Variants in TENM4 observed in about 807,000 individuals in gnomAD.
The protein encoded by TENM4 is teneurin transmembrane protein 4.
TENM4 carries 82 observed loss-of-function variants against 243.3 expected under a neutral mutation model. The ratio of observed to expected loss-of-function variants is 0.34; its 90% CI spans 0.28 to 0.40. The LOEUF is 0.40. TENM4 is among the 10% of genes least tolerant of loss of function. The pLI, the probability that TENM4 is intolerant of heterozygous loss-of-function variation, is 1.00. For synonymous variants in TENM4, 1,412 were observed against 1,456.3 expected (o/e 0.97, Z 0.69); for missense variants, 3,138 against 3,673.3 (o/e 0.85, Z 3.77).
Position 79,087,568 on chromosome 11 carries a change from C to T in TENM4, c.-65-17559G>A, listed in dbSNP as rs116851576. On this transcript the variant is annotated intron_variant, in intron 4 of 33. Coordinates refer to ENST00000278550, the MANE Select transcript of TENM4 (RefSeq NM_001098816.3). ...CCAAATCAAACAAAAAACCATCTAA[C>T]AAACACAGAAGCGCTGAAAAGATCT... 3.2e-3 allele frequency among the ~76,000 whole-genome samples: 495 copies of T among 152,330 alleles called. 12 individuals are homozygous for T. In the South Asian group the frequency reaches 0.05, roughly 15 times the overall value.
At chr11:79,270,762 C>A (rs992157827) in intron 2 of TENM4, among the ~76,000 whole-genome samples, 1 of 152,222 alleles carries the variant, frequency 6.6e-6, no homozygotes, top group Admixed American at 6.5e-5. Context: ...TGACTCCTCC[C>A]AGCCTCAGGC....
chr11:79,313,761 C>T (rs549651091), intron 1 of TENM4, among the ~76,000 whole-genome samples: 2 of 152,184 alleles, frequency 1.3e-5, no homozygotes, highest in East Asian at 3.9e-4. Context: ...TTCTGTTTCC[C>T]TCCGCAAGCA....
chr11:79,314,878 C>T (rs887457250), intron 1 of TENM4, among the ~76,000 whole-genome samples: 1 of 152,200 alleles, frequency 6.6e-6, no homozygotes. Flanking sequence ...TTTAACTGGT[C>T]TGTGTGAGGC....
intron 7 of TENM4, among the ~76,000 whole-genome samples, chr11:78,899,631 C>T (rs528705939): frequency 2.5e-4 from 36 of 146,476 alleles, no homozygotes; most frequent in Admixed American, 1.9e-3. Flanking sequence ...TAATGGGAGG[C>T]GTTTCGGTCA....
At chr11:79,246,947 A>G (rs1855526704) in intron 2 of TENM4, among the ~76,000 whole-genome samples, 5 of 148,820 alleles carry the variant, frequency 3.4e-5, no homozygotes, top group Admixed American at 3.4e-4. Context: ...CAGTACATGT[A>G]TGTGTTGTGC....
At chr11:78,704,157 G>GTGTATATATATATATATATA (rs1201390547) in intron 27 of TENM4, among the ~76,000 whole-genome samples, 10 of 70,534 alleles carry the variant, frequency 1.4e-4, no homozygotes, top group African/African-American at 4.8e-4. Context: ...ATGTATGTGT[G>GTGTATATATATATATATATA]TCTATATATA....
intron 19 of TENM4, among the ~76,000 whole-genome samples, chr11:78,750,849 T>TTGTGTG (rs72172542): frequency 0.018 from 2,591 of 145,750 alleles, 71 homozygotes; most frequent in African/African-American, 0.057. Flanking sequence ...CAAATGAGGC[T>TTGTGTG]TGTGTGTGTG....
At chr11:79,304,182 G>C (rs1266398368) in intron 1 of TENM4, among the ~76,000 whole-genome samples, 1 of 152,200 alleles carries the variant, frequency 6.6e-6, no homozygotes, top group Admixed American at 6.5e-5. Context: ...AAAGGTCCCA[G>C]TAACTTGGCA....
At chr11:79,019,600 T>C (rs1309670325) in intron 6 of TENM4, among the ~76,000 whole-genome samples, 2 of 152,226 alleles carry the variant, frequency 1.3e-5, no homozygotes, top group Non-Finnish European at 2.9e-5. Context: ...TTTTCCCACA[T>C]TCTAATTTAT....
intron 12 of TENM4, among the ~76,000 whole-genome samples, chr11:78,853,788 A>G (rs1858603945): frequency 6.6e-6 from 1 of 152,240 alleles, no homozygotes; most frequent in Non-Finnish European, 1.5e-5. Context: ...GAGAAGTGCC[A>G]AGAAGAGAGA....
At chr11:79,135,028 A>C (rs1298320154) in intron 4 of TENM4, among the ~76,000 whole-genome samples, 2 of 152,192 alleles carry the variant, frequency 1.3e-5, no homozygotes, top group Non-Finnish European at 2.9e-5. Context: ...TTTGCACAGC[A>C]AAAGGAACAG....
Position 78,688,030 on chromosome 11 carries a change from T to A in TENM4, c.5260+24A>T, listed in dbSNP as rs187662752. 9 of 1,610,484 alleles carry A rather than the reference T, an allele frequency of 5.6e-6. No homozygotes were observed. In the East Asian group the frequency reaches 2.0e-4, roughly 36 times the overall value. On this transcript the variant is annotated intron_variant, in intron 29 of 33. Coordinates refer to ENST00000278550, the MANE Select transcript of TENM4 (RefSeq NM_001098816.3). ...GTCTTCCCACCCCTCTGCCTCAAAG[T>A]CCCCTGGCCCCCACCTGACTTACCT...
rs183827268 is a variant in TENM4 at position 78,951,558 on chromosome 11, C to T, written c.494-48035G>A. On this transcript the variant is annotated intron_variant, in intron 6 of 33. Transcript: ENST00000278550. ...ATTTATTTTCCCATAGTTCTGAAGG[C>T]TGGGAAGTCCAAGATCAAGGTTCTG... is the stretch of plus-strand genomic sequence containing the variant. Among the ~76,000 whole-genome samples the T allele has an allele frequency of 2.5e-3, 387 of 152,286 alleles. 1 individual carries two copies. Among genetic ancestry groups the T allele is most frequent in the Non-Finnish European group, 4.0e-3 (269 of 68,030 alleles).
intron 19 of TENM4, among the ~76,000 whole-genome samples, chr11:78,746,353 C>T (rs890004007): frequency 2.0e-4 from 30 of 152,234 alleles, no homozygotes; most frequent in African/African-American, 6.5e-4. Flanking sequence ...CTGTGCTTCC[C>T]GCAGAGCCCA....
intron 12 of TENM4, among the ~76,000 whole-genome samples, chr11:78,831,359 C>T (rs1360778196): frequency 6.6e-6 from 1 of 152,232 alleles, no homozygotes; most frequent in Non-Finnish European, 1.5e-5. Flanking sequence ...CTCCCAGCTC[C>T]TGGCCGGGTG....
chr11:78,984,631 C>T (rs957489815), intron 6 of TENM4, among the ~76,000 whole-genome samples: 4 of 152,070 alleles, frequency 2.6e-5, no homozygotes, highest in Non-Finnish European at 5.9e-5. Context: ...GCTCTGATTG[C>T]CATAATGTTC....
chr11:79,109,313 T>C (rs1022696289), intron 4 of TENM4, among the ~76,000 whole-genome samples: 36 of 152,140 alleles, frequency 2.4e-4, no homozygotes, highest in African/African-American at 8.7e-4. Context: ...CTTGGAGGGC[T>C]TGGTGTGACA....
At chr11:78,659,081 G>A (rs541599205) in intron 33 of TENM4, among the ~76,000 whole-genome samples, 2 of 152,206 alleles carry the variant, frequency 1.3e-5, no homozygotes, top group South Asian at 4.2e-4. Context: ...TGTGAGCACT[G>A]GTGACAGAAA....
At chr11:78,928,470 G>T (rs557138465) in intron 6 of TENM4, among the ~76,000 whole-genome samples, 30 of 152,200 alleles carry the variant, frequency 2.0e-4, no homozygotes, top group African/African-American at 6.5e-4. Context: ...CAAGGAAATA[G>T]GTCAAAAATC....
Sources: allele counts gnomAD v4.1 joint callset (sites outside exome capture counted in the v4.1 genomes callset), GRCh38; gene constraint gnomAD v4.1.1; transcripts MANE v1.5; gene names NCBI Gene and HGNC (gene_info 2026-07-23, HGNC 2026-07-21).